The following SLCO1A2 variants were observed in gnomAD, a reference collection of about 807,000 sequenced individuals.
SLCO1A2 encodes solute carrier organic anion transporter family member 1A2.
In SLCO1A2, 67 loss-of-function variants were observed where a neutral mutation model predicts 69.0. The observed-to-expected ratio is 0.97, with a 90% CI of 0.80 to 1.19. SLCO1A2 has a LOEUF of 1.19. Among genes scored for constraint, SLCO1A2 ranks in the 50% most tolerant of loss-of-function variants. The pLI is 0.00. For synonymous variants in SLCO1A2, 260 were observed against 265.9 expected (o/e 0.98, Z 0.22); for missense variants, 787 against 793.7 (o/e 0.99, Z 0.10).
chr12:21,338,515 A>C (rs1176945307), upstream of SLCO1A2, among the ~76,000 whole-genome samples: 2 of 151,784 alleles, frequency 1.3e-5, no homozygotes, highest in African/African-American at 4.8e-5. Context: ...CTGCTTGGCT[A>C]AAAATCTCCA....
intron 1 of SLCO1A2, among the ~76,000 whole-genome samples, chr12:21,410,452 A>G (rs1316407991): frequency 6.6e-6 from 1 of 152,194 alleles, no homozygotes; most frequent in Non-Finnish European, 1.5e-5. Context: ...ATTATTATAT[A>G]ATTCTCATTA....
chr12:21,397,598 TC>T (rs752655864), upstream of SLCO1A2, among the ~76,000 whole-genome samples: 11 of 151,878 alleles, frequency 7.2e-5, no homozygotes, highest in Non-Finnish European at 1.2e-4. Context: ...CCACACCTAT[TC>T]CTAAATTGAC....
chr12:21,413,678 A>C (rs1941947970), intron 1 of SLCO1A2, among the ~76,000 whole-genome samples: 1 of 152,128 alleles, frequency 6.6e-6, no homozygotes, highest in African/African-American at 2.4e-5. Flanking sequence ...GCTAGAAATG[A>C]AAACATGGTC....
intron 1 of SLCO1A2, among the ~76,000 whole-genome samples, chr12:21,409,212 C>T (rs1207111970): frequency 6.6e-6 from 1 of 152,126 alleles, no homozygotes; most frequent in Non-Finnish European, 1.5e-5. Flanking sequence ...GATGAAGCAA[C>T]TGTTGTGGTA....
At chr12:21,273,351 A>AAT (rs1943216534) in intron 14 of SLCO1A2, among the ~76,000 whole-genome samples, 1 of 152,128 alleles carries the variant, frequency 6.6e-6, no homozygotes, top group Non-Finnish European at 1.5e-5. Flanking sequence ...CATCCTTGAA[A>AAT]ATATAGTCCA....
At chr12:21,303,496 A>G (rs1329898696) in intron 6 of SLCO1A2, among the ~76,000 whole-genome samples, 1 of 152,178 alleles carries the variant, frequency 6.6e-6, no homozygotes, top group Non-Finnish European at 1.5e-5. Context: ...ATGTGTAATC[A>G]TTTCCATCTT....
intron 2 of SLCO1A2, among the ~76,000 whole-genome samples, chr12:21,369,902 CT>C (rs1352527769): frequency 6.6e-6 from 1 of 152,130 alleles, no homozygotes; most frequent in Admixed American, 6.5e-5. Flanking sequence ...TTCATTAGTG[CT>C]ACAGGGAGCA....
chr12:21,391,595 A>T (rs1941156148), intron 1 of SLCO1A2, among the ~76,000 whole-genome samples: 1 of 152,164 alleles, frequency 6.6e-6, no homozygotes, highest in African/African-American at 2.4e-5. Flanking sequence ...TACCTTGAAC[A>T]AATGGGATTT....
At chr12:21,374,002 G>T (rs1450493377) in intron 2 of SLCO1A2, among the ~76,000 whole-genome samples, 1 of 152,114 alleles carries the variant, frequency 6.6e-6, no homozygotes, top group Non-Finnish European at 1.5e-5. Flanking sequence ...ATTCTATATT[G>T]CTAGCTAGCT....
chr12:21,299,764 ACGTGTG>A (rs1948315452), intron 8 of SLCO1A2, among the ~76,000 whole-genome samples: 1 of 128,876 alleles, frequency 7.8e-6, no homozygotes, highest in African/African-American at 3.3e-5. Context: ...CCATATATAT[ACGTGTG>A]TATATATATA....
intron 2 of SLCO1A2, among the ~76,000 whole-genome samples, chr12:21,346,807 T>C (rs1953265834): frequency 6.6e-6 from 1 of 152,190 alleles, no homozygotes; most frequent in African/African-American, 2.4e-5. Context: ...ACAAGATGAA[T>C]TACAAGCCAT....
At chr12:21,361,833 G>A (rs541826484) in intron 2 of SLCO1A2, among the ~76,000 whole-genome samples, 1 of 152,274 alleles carries the variant, frequency 6.6e-6, no homozygotes, top group Non-Finnish European at 1.5e-5. Context: ...AGGGAGAAGA[G>A]AAGTTTAGAG....
intron 2 of SLCO1A2, among the ~76,000 whole-genome samples, chr12:21,367,783 G>T (rs1939499869): frequency 6.6e-6 from 1 of 151,726 alleles, no homozygotes; most frequent in South Asian, 2.1e-4. Flanking sequence ...GATTCCTGTT[G>T]ATCCAACATG....
intron 2 of SLCO1A2, among the ~76,000 whole-genome samples, chr12:21,363,143 A>T (rs11502681): frequency 0.14 from 21,357 of 152,196 alleles, 1,621 homozygotes; most frequent in Middle Eastern, 0.21. Context: ...ACATAGTTGG[A>T]AGTAAAGCAC....
chr12:21,395,773 C>G (rs1941427659), upstream of SLCO1A2, among the ~76,000 whole-genome samples: 1 of 152,180 alleles, frequency 6.6e-6, no homozygotes, highest in Admixed American at 6.5e-5. Flanking sequence ...ACTGACACCT[C>G]AAACGGCAGG....
At chr12:21,337,637 TC>T (rs1565506811), upstream of SLCO1A2, among the ~76,000 whole-genome samples, 10 of 151,930 alleles carry the variant, frequency 6.6e-5, no homozygotes, top group Admixed American at 6.6e-4. Flanking sequence ...TTGGGTGGTA[TC>T]CAGCTGAAAC....
At chr12:21,336,532 T>C (rs572935556), upstream of SLCO1A2, among the ~76,000 whole-genome samples, 1 of 152,134 alleles carries the variant, frequency 6.6e-6, no homozygotes, top group Non-Finnish European at 1.5e-5. Context: ...TGAAAAGAAT[T>C]ACATGGGATT....
At chr12:21,280,677 C>T in intron 12 of SLCO1A2, among the ~76,000 whole-genome samples, 1 of 126,470 alleles carries the variant, frequency 7.9e-6, no homozygotes, top group South Asian at 2.3e-4. Flanking sequence ...ATCTTCCAGA[C>T]CAAAAAAAAA....
At chr12:21,274,369 T>A (rs1241702759) in intron 14 of SLCO1A2, 100 bp downstream of exon 14, 2 of 686,698 alleles carry the variant, frequency 2.9e-6, no homozygotes, top group African/African-American at 3.5e-5. Flanking sequence ...ACCACAAAAG[T>A]ATTCTTTTCA....
Sources: allele counts gnomAD v4.1 joint callset (sites outside exome capture counted in the v4.1 genomes callset), GRCh38; gene constraint gnomAD v4.1.1; transcripts MANE v1.5; gene names NCBI Gene and HGNC (gene_info 2026-07-23, HGNC 2026-07-21).